Variants in RFTN2 observed in about 807,000 individuals in gnomAD.
RFTN2 encodes raftlin family member 2, also known as raftlin-2.
RFTN2 carries 34 observed loss-of-function variants against 52.7 expected under a neutral mutation model. That is an observed-to-expected ratio of 0.64 (90% CI 0.49 to 0.86). RFTN2 has a LOEUF of 0.86. Ranked by LOEUF, RFTN2 falls within the 40% of genes least tolerant of loss-of-function variation. The pLI is 0.00. For missense variants in RFTN2, 536 were observed against 600.1 expected (o/e 0.89, Z 1.12); for synonymous variants, 203 against 217.7 (o/e 0.93, Z 0.59).
At position 197,611,448 on chromosome 2, in the gene RFTN2, C is replaced by T. The variant is rs528511812; in HGVS notation, c.1154+4428G>A. On this transcript the variant is annotated intron_variant, in intron 7 of 8. Coordinates refer to ENST00000295049, the MANE Select transcript of RFTN2 (RefSeq NM_144629.3). ...ATAGTAGTTTGTATTTCTGTGGGATCGGTAGTGATATCCCCTTTATCATTT... is the reference window on the plus strand; with the variant it reads ...ATAGTAGTTTGTATTTCTGTGGGATTGGTAGTGATATCCCCTTTATCATTT... Among the ~76,000 whole-genome samples, 93 of 152,056 alleles carry T rather than the reference C, an allele frequency of 6.1e-4. 1 individual carries two copies. The highest frequency in any genetic ancestry group is 1.0e-3 in the Non-Finnish European group (68 of 68,016).
At chr2:197,638,706 G>C (rs1185449777) in intron 3 of RFTN2, among the ~76,000 whole-genome samples, 26 of 147,156 alleles carry the variant, frequency 1.8e-4, no homozygotes, top group African/African-American at 6.3e-4. Context: ...TTGCCAGTCT[G>C]TGTCTTTTAA....
At chr2:197,646,739 G>T in intron 1 of RFTN2, 73 bp from the exon 2 acceptor site, 1 of 1,181,642 alleles carries the variant, frequency 8.5e-7, no homozygotes, top group Non-Finnish European at 1.2e-6. Context: ...ACCTATGGGT[G>T]ATAATACTAA....
intron 8 of RFTN2, among the ~76,000 whole-genome samples, chr2:197,583,286 C>T (rs915421845): frequency 1.4e-4 from 22 of 152,282 alleles, no homozygotes; most frequent in Non-Finnish European, 2.6e-4. Context: ...TCACATACCC[C>T]GAGTCAGGAA....
At chr2:197,608,836 A>G (rs2088007558) in intron 7 of RFTN2, among the ~76,000 whole-genome samples, 1 of 151,700 alleles carries the variant, frequency 6.6e-6, no homozygotes, top group Non-Finnish European at 1.5e-5. Context: ...CCTGTGTCCA[A>G]GTGTTCTCAT....
chr2:197,602,438 A>G (rs1324428775), intron 7 of RFTN2, among the ~76,000 whole-genome samples: 2 of 152,156 alleles, frequency 1.3e-5, no homozygotes, highest in Non-Finnish European at 2.9e-5. Flanking sequence ...TCTTGGTTCA[A>G]TATGTGCCCA....
chr2:197,606,334 G>C (rs1364398391), intron 7 of RFTN2, among the ~76,000 whole-genome samples: 1 of 152,154 alleles, frequency 6.6e-6, no homozygotes, highest in Non-Finnish European at 1.5e-5. Flanking sequence ...AGAAATATTT[G>C]AGTTGAACAG....
intron 1 of RFTN2, among the ~76,000 whole-genome samples, chr2:197,667,596 G>A (rs764093917): frequency 6.6e-6 from 1 of 152,182 alleles, no homozygotes; most frequent in East Asian, 1.9e-4. Flanking sequence ...TGTGGAAAAG[G>A]TTTTTCCTGA....
chr2:197,588,067 CTAAA>C (rs2087630380), intron 8 of RFTN2: 1 of 457,412 alleles, frequency 2.2e-6, no homozygotes, highest in South Asian at 1.7e-5. Context: ...TGTGTGTTTC[CTAAA>C]TAAAAATTTC....
chr2:197,580,766 G>C (rs761484862), intron 8 of RFTN2, among the ~76,000 whole-genome samples: 1 of 152,004 alleles, frequency 6.6e-6, no homozygotes. Flanking sequence ...GGGTATTGAC[G>C]GCCAGACTTC....
At chr2:197,634,329 T>C (rs1228665196) in intron 3 of RFTN2, among the ~76,000 whole-genome samples, 4 of 152,264 alleles carry the variant, frequency 2.6e-5, no homozygotes, top group Admixed American at 6.5e-5. Context: ...GTGTCTCCAG[T>C]TGGAGCAAAA....
intron 3 of RFTN2, among the ~76,000 whole-genome samples, chr2:197,640,057 CA>C (rs763481470): frequency 6.6e-6 from 1 of 152,222 alleles, no homozygotes; most frequent in African/African-American, 2.4e-5. Context: ...GCTCAGGGGT[CA>C]GGGGTCAGGG....
chr2:197,617,863 T>C lies in RFTN2; in HGVS notation c.987A>G (p.Gly329=). Residue 329 remains glycine, a synonymous_variant, in exon 6 of 9, where the codon GGA becomes GGG. Transcript: ENST00000295049. ...GFFIYEEEGS[G]VPGSSRKGND... is the part of the protein sequence containing the mutation. ...TTCCTTTCCTACTAGAACCTGGAAC[T>C]CCAGAACCTTCTTCTTCATAGATAA... The C allele has an allele frequency of 6.2e-7, 1 of 1,609,126 alleles. No individual in the cohort carries two copies. Among genetic ancestry groups the C allele is most frequent in the Non-Finnish European group, 8.5e-7 (1 of 1,176,398 alleles).
At chr2:197,641,684 G>T (rs573558418) in intron 3 of RFTN2, among the ~76,000 whole-genome samples, 1 of 152,298 alleles carries the variant, frequency 6.6e-6, no homozygotes, top group African/African-American at 2.4e-5. Flanking sequence ...TAAAATTAGA[G>T]TGAACACTGG....
chr2:197,592,656 A>G (rs2087737289), intron 8 of RFTN2, among the ~76,000 whole-genome samples: 1 of 152,212 alleles, frequency 6.6e-6, no homozygotes, highest in South Asian at 2.1e-4. Context: ...AAATTCTTTG[A>G]AAGACTTTAT....
intron 1 of RFTN2, among the ~76,000 whole-genome samples, chr2:197,660,019 TATC>T (rs2088955462): frequency 6.6e-6 from 1 of 152,210 alleles, no homozygotes; most frequent in African/African-American, 2.4e-5. Flanking sequence ...AGGTAAGTAT[TATC>T]ATTATTTTCA....
chr2:197,662,616 A>AT (rs578053057), intron 1 of RFTN2, among the ~76,000 whole-genome samples: 43 of 148,460 alleles, frequency 2.9e-4, no homozygotes, highest in African/African-American at 7.7e-4. Context: ...AAATTTTGGT[A>AT]TTTTTTTTTT....
chr2:197,589,614 G>A (rs1345234932), intron 8 of RFTN2, among the ~76,000 whole-genome samples: 2 of 152,164 alleles, frequency 1.3e-5, no homozygotes, highest in South Asian at 2.1e-4. Flanking sequence ...AATGGCTAGT[G>A]ATTTAAGCAT....
At chr2:197,645,258 T>C (rs929542689) in intron 2 of RFTN2, among the ~76,000 whole-genome samples, 1 of 152,230 alleles carries the variant, frequency 6.6e-6, no homozygotes, top group Admixed American at 6.5e-5. Context: ...TGTGATACCA[T>C]TGCCTACAGT....
chr2:197,631,637 T>C (rs1315451565), intron 4 of RFTN2, among the ~76,000 whole-genome samples: 1 of 152,220 alleles, frequency 6.6e-6, no homozygotes, highest in East Asian at 1.9e-4. Flanking sequence ...ATATAGATCT[T>C]ATTCGTTTAT....
Sources: gnomAD v4.1 joint callset for allele counts (sites outside exome capture counted in the v4.1 genomes callset) on GRCh38, gnomAD v4.1.1 for gene constraint, MANE v1.5 for transcripts, NCBI Gene and HGNC (gene_info 2026-07-23, HGNC 2026-07-21) for gene names.